ARHGEF3: variants seen among roughly 807,000 people sequenced by gnomAD.
ARHGEF3 encodes the protein Rho guanine nucleotide exchange factor 3, also known as 59.8 kDA protein.
A neutral mutation model predicts 63.2 loss-of-function variants in ARHGEF3; 28 were observed. That is an observed-to-expected ratio of 0.44 (90% CI 0.33 to 0.61). ARHGEF3 has a LOEUF of 0.61. Ranked by LOEUF, ARHGEF3 falls within the 20% of genes least tolerant of loss-of-function variation. The pLI is 0.03. For missense variants in ARHGEF3, 533 were observed against 659.3 expected (o/e 0.81, Z 2.10); for synonymous variants, 266 against 254.2 (o/e 1.05, Z -0.44).
chr3:56,878,372 T>C (rs2108246454), intron 4 of ARHGEF3, among the ~76,000 whole-genome samples: 1 of 152,290 alleles, frequency 6.6e-6, no homozygotes, highest in Admixed American at 6.5e-5. Context: ...CTTTTTATTT[T>C]CCCTCAGAAA....
intron 1 of ARHGEF3, among the ~76,000 whole-genome samples, chr3:56,794,775 G>A (rs1241052147): frequency 1.3e-5 from 2 of 152,120 alleles, no homozygotes; most frequent in African/African-American, 4.8e-5. Flanking sequence ...CAATGTAAGT[G>A]ATAATCGTTG....
At chr3:56,978,580 C>T (rs1376272025) in intron 2 of ARHGEF3, among the ~76,000 whole-genome samples, 1 of 152,162 alleles carries the variant, frequency 6.6e-6, no homozygotes, top group East Asian at 1.9e-4. Context: ...TTCAAATTAG[C>T]AACTTCTATA....
chr3:56,920,823 C>T (rs554200139), intron 3 of ARHGEF3, among the ~76,000 whole-genome samples: 108 of 152,122 alleles, frequency 7.1e-4, no homozygotes, highest in South Asian at 2.9e-3. Flanking sequence ...GAGGCCGAGG[C>T]GGGCAGATCA....
chr3:56,832,986 C>T (rs776109241), intron 4 of ARHGEF3, among the ~76,000 whole-genome samples: 4 of 152,132 alleles, frequency 2.6e-5, no homozygotes, highest in Non-Finnish European at 5.9e-5. Context: ...GAAGAATATT[C>T]CCTTGTTTGG....
At chr3:56,749,391 GGC>G (rs1469745745) in intron 6 of ARHGEF3, among the ~76,000 whole-genome samples, 6 of 152,192 alleles carry the variant, frequency 3.9e-5, no homozygotes, top group African/African-American at 1.4e-4. Flanking sequence ...TTTTGCTTCT[GGC>G]ATAAACTGAC....
At chr3:56,995,685 C>G (rs533867576) in intron 2 of ARHGEF3, among the ~76,000 whole-genome samples, 5 of 127,632 alleles carry the variant, frequency 3.9e-5, no homozygotes, top group Non-Finnish European at 8.2e-5. Flanking sequence ...TTTTTTTAAC[C>G]TGGTCTCAAT....
chr3:56,944,728 G>A (rs960307125), intron 3 of ARHGEF3, among the ~76,000 whole-genome samples: 3 of 151,768 alleles, frequency 2.0e-5, no homozygotes, highest in South Asian at 2.1e-4. Context: ...AGGCACCTGC[G>A]CAACCATGTC....
chr3:57,014,341 A>G (rs571314018), intron 2 of ARHGEF3, among the ~76,000 whole-genome samples: 2 of 152,194 alleles, frequency 1.3e-5, no homozygotes, highest in African/African-American at 4.8e-5. Flanking sequence ...TGGACACAAT[A>G]GTGCACAGCC....
intron 3 of ARHGEF3, among the ~76,000 whole-genome samples, chr3:56,891,270 C>T (rs563885955): frequency 6.6e-6 from 1 of 151,812 alleles, no homozygotes; most frequent in African/African-American, 2.4e-5. Flanking sequence ...CTCTCGCCTC[C>T]ACCTCCCAAT....
intron 2 of ARHGEF3, among the ~76,000 whole-genome samples, chr3:57,014,724 A>T (rs1235165214): frequency 6.6e-6 from 1 of 150,456 alleles, no homozygotes; most frequent in African/African-American, 2.4e-5. Context: ...TGTGTCACCC[A>T]GGCTGGAGTG....
At chr3:56,967,954 T>TATTATATATAATATATTATATATA in intron 2 of ARHGEF3, among the ~76,000 whole-genome samples, 1 of 71,762 alleles carries the variant, frequency 1.4e-5, no homozygotes, top group Non-Finnish European at 2.4e-5. Context: ...ATATATTATA[T>TATTATATATAATATATTATATATA]ATATAAAATA....
intron 2 of ARHGEF3, among the ~76,000 whole-genome samples, chr3:56,967,204 G>A (rs1228297270): frequency 7.2e-6 from 1 of 138,624 alleles, no homozygotes; most frequent in Non-Finnish European, 1.5e-5. Context: ...GAAATATCAT[G>A]TGAACCACAT....
In ARHGEF3 at chr3:56,943,488, T is replaced by C. The variant is rs373182330; in HGVS notation, c.129+15335A>G. Among the ~76,000 whole-genome samples, 13 of 152,342 alleles carry C rather than the reference T, an allele frequency of 8.5e-5. No homozygotes were observed. In the South Asian group the frequency reaches 2.7e-3, roughly 32 times the overall value. ...AATATTACTGCTCACTGACAATGCA[T>C]CTGGTCACCCGAGAGCTTCGATAGA... On this transcript the variant is annotated intron_variant, in intron 3 of 12. Transcript: ENST00000338458.
intron 2 of ARHGEF3, among the ~76,000 whole-genome samples, chr3:56,971,487 G>A (rs987121702): frequency 6.6e-6 from 1 of 152,086 alleles, no homozygotes; most frequent in Non-Finnish European, 1.5e-5. Flanking sequence ...AGAGGATACC[G>A]GCCATGAGGG....
At chr3:56,801,190 G>T (rs2037631371) in intron 1 of ARHGEF3, among the ~76,000 whole-genome samples, 1 of 152,228 alleles carries the variant, frequency 6.6e-6, no homozygotes, top group South Asian at 2.1e-4. Context: ...AGGCAGAGGC[G>T]CTGTGTCCTG....
chr3:57,071,542 C>A (rs1361552428), intron 1 of ARHGEF3, among the ~76,000 whole-genome samples: 2 of 151,846 alleles, frequency 1.3e-5, no homozygotes, highest in African/African-American at 4.8e-5. Context: ...CACCTGTAGT[C>A]CCAGCTACTT....
intron 2 of ARHGEF3, among the ~76,000 whole-genome samples, chr3:57,015,656 G>A (rs1702966098): frequency 6.7e-6 from 1 of 148,608 alleles, no homozygotes; most frequent in African/African-American, 2.5e-5. Flanking sequence ...TGCCCAGGCT[G>A]GTCTCAAACG....
At chr3:57,067,987 C>T (rs1705657176) in intron 1 of ARHGEF3, among the ~76,000 whole-genome samples, 1 of 150,362 alleles carries the variant, frequency 6.7e-6, no homozygotes, top group Non-Finnish European at 1.5e-5. Context: ...AAGACTCCGT[C>T]TCAAAAAAAA....
intron 2 of ARHGEF3, among the ~76,000 whole-genome samples, chr3:56,967,471 A>T (rs190555058): frequency 2.4e-4 from 17 of 69,426 alleles, no homozygotes; most frequent in East Asian, 2.0e-3. Flanking sequence ...TATATTATAT[A>T]ATATATTATA....
Sources: gnomAD v4.1 joint callset for allele counts (sites outside exome capture counted in the v4.1 genomes callset) on GRCh38, gnomAD v4.1.1 for gene constraint, MANE v1.5 for transcripts, NCBI Gene and HGNC (gene_info 2026-07-23, HGNC 2026-07-21) for gene names.